Variants in SPAG17 observed in about 807,000 individuals in gnomAD.
SPAG17 encodes the protein sperm-associated antigen 17.
In SPAG17, 169 loss-of-function variants were observed where a neutral mutation model predicts 273.6. The ratio of observed to expected loss-of-function variants is 0.62; its 90% CI spans 0.55 to 0.70. The LOEUF is 0.70. Ranked by LOEUF, SPAG17 falls within the 30% of genes least tolerant of loss-of-function variation. SPAG17 has a pLI of 0.00. For missense variants in SPAG17, 2,557 were observed against 2,627.8 expected, an observed-to-expected ratio of 0.97 and a Z score of 0.59; for synonymous variants, 825 against 873.2, an observed-to-expected ratio of 0.94 and a Z score of 0.97.
intron 7 of SPAG17, 74 bp downstream of exon 7, chr1:118,097,596 A>C: frequency 8.1e-7 from 1 of 1,233,672 alleles, no homozygotes; most frequent in Middle Eastern, 2.0e-4. Flanking sequence ...TATCTATGTG[A>C]TGAATAAATG....
intron 1 of SPAG17, among the ~76,000 whole-genome samples, chr1:118,175,610 T>C (rs1660660853): frequency 6.7e-6 from 1 of 149,736 alleles, no homozygotes; most frequent in Non-Finnish European, 1.5e-5. Context: ...CAAAGTATAT[T>C]TTATCCAGCA....
intron 30 of SPAG17, 79 bp downstream of exon 30, chr1:118,012,149 C>T (rs1659540500): frequency 1.1e-5 from 16 of 1,410,444 alleles, no homozygotes; most frequent in Non-Finnish European, 1.6e-5. Context: ...TGTGTATGTT[C>T]AGCAGTCAGT....
At chr1:118,141,528 G>A (rs1658679111) in intron 3 of SPAG17, among the ~76,000 whole-genome samples, 1 of 152,156 alleles carries the variant, frequency 6.6e-6, no homozygotes, top group South Asian at 2.1e-4. Flanking sequence ...CAATTTTCTT[G>A]TGGTAAATAA....
At chr1:118,086,839 C>A (rs773550826) in intron 11 of SPAG17, 32 bp downstream of exon 11, 1 of 1,614,166 alleles carries the variant, frequency 6.2e-7, no homozygotes, top group South Asian at 1.1e-5. Context: ...TTTTCCAAAG[C>A]ATGAAGACTC....
chr1:118,070,894 A>G (rs956125649), intron 17 of SPAG17, among the ~76,000 whole-genome samples: 2 of 152,246 alleles, frequency 1.3e-5, no homozygotes, highest in Non-Finnish European at 2.9e-5. Context: ...ACATGTGACT[A>G]GTGGCTACCA....
chr1:118,172,883 T>C (rs1385002883), intron 1 of SPAG17, among the ~76,000 whole-genome samples: 3 of 152,316 alleles, frequency 2.0e-5, no homozygotes, highest in East Asian at 1.9e-4. Context: ...TATTCAGAGA[T>C]AGGCTTTGTG....
intron 41 of SPAG17, 52 bp from the exon 42 acceptor site, chr1:117,983,965 T>G (rs777748838): frequency 5.8e-6 from 5 of 868,168 alleles, no homozygotes; most frequent in Admixed American, 4.4e-5. Flanking sequence ...GAAATTCAAC[T>G]GTCGCAAATA....
In SPAG17 at chr1:118,151,373, T is replaced by C. The variant is rs1406150199; in HGVS notation, c.88-4A>G. 19 of 1,610,706 alleles carry C rather than the reference T, an allele frequency of 1.2e-5. No individual in the cohort carries two copies. The highest frequency in any genetic ancestry group is 1.6e-5 in the Non-Finnish European group (19 of 1,177,898). ...CAATGGAGGCCTGCCAATCGTTCTATTAAAAATCAGACGGAATTAGATTTT... is the reference window on the plus strand; with the variant it reads ...CAATGGAGGCCTGCCAATCGTTCTACTAAAAATCAGACGGAATTAGATTTT... On this transcript the variant is annotated splice_polypyrimidine_tract_variant and splice_region_variant and intron_variant, in intron 1 of 48. Transcript: ENST00000336338.
Position 118,156,964 on chromosome 1 carries a change from C to T in SPAG17, c.88-5595G>A, listed in dbSNP as rs549330191. ...GCTATAACCTGACATCTGCCTCCTG[C>T]AGCAACTACTGCTTGATTCACCCTA... On this transcript the variant is annotated intron_variant, in intron 1 of 48. Coordinates refer to ENST00000336338, the MANE Select transcript of SPAG17 (RefSeq NM_206996.4). Among the ~76,000 whole-genome samples the T allele has an allele frequency of 2.0e-4, 31 of 152,276 alleles. No homozygotes were observed. In the South Asian group the frequency reaches 6.0e-3, roughly 30 times the overall value.
At chr1:118,008,555 C>T (rs1318868047) in intron 30 of SPAG17, among the ~76,000 whole-genome samples, 1 of 152,078 alleles carries the variant, frequency 6.6e-6, no homozygotes, top group Non-Finnish European at 1.5e-5. Context: ...CTTTTTAATA[C>T]ATATGTAAAA....
At chr1:118,104,038 C>G (rs918714599) in intron 4 of SPAG17, among the ~76,000 whole-genome samples, 1 of 152,014 alleles carries the variant, frequency 6.6e-6, no homozygotes, top group African/African-American at 2.4e-5. Context: ...AAGTTTATGT[C>G]TTAACTAAAA....
At chr1:118,053,103 T>TTG (rs1052850498) in intron 20 of SPAG17, among the ~76,000 whole-genome samples, 6 of 152,002 alleles carry the variant, frequency 3.9e-5, no homozygotes, top group African/African-American at 1.4e-4. Context: ...CAAATGCAAC[T>TTG]TGTGTTGTTA....
chr1:117,975,000 A>G (rs1021647594), intron 43 of SPAG17, among the ~76,000 whole-genome samples: 31 of 152,160 alleles, frequency 2.0e-4, no homozygotes, highest in African/African-American at 6.8e-4. Context: ...GGTCCCAACC[A>G]TGAGGAGCAA....
chr1:117,980,216 C>CT (rs569890235), intron 43 of SPAG17, among the ~76,000 whole-genome samples: 389 of 151,986 alleles, frequency 2.6e-3, no homozygotes, highest in Non-Finnish European at 4.5e-3. Flanking sequence ...TGGGGTAAAT[C>CT]TTTTTTTTCT....
chr1:118,173,821 T>C (rs569033044), intron 1 of SPAG17, among the ~76,000 whole-genome samples: 2 of 149,054 alleles, frequency 1.3e-5, no homozygotes, highest in African/African-American at 5.0e-5. Flanking sequence ...CACTGTGCAA[T>C]TGCACTGCAG....
intron 18 of SPAG17, among the ~76,000 whole-genome samples, chr1:118,063,220 A>T (rs1389802530): frequency 6.6e-6 from 1 of 152,212 alleles, no homozygotes; most frequent in African/African-American, 2.4e-5. Context: ...TCTTCACAGA[A>T]TTGGAAAAAA....
At chr1:118,086,179 C>G in intron 12 of SPAG17, 107 bp from the exon 13 acceptor site, 1 of 1,065,280 alleles carries the variant, frequency 9.4e-7, no homozygotes, top group South Asian at 1.6e-5. Flanking sequence ...TATTTGGGAA[C>G]AGGGGAAATC....
At chr1:118,086,129 T>C (rs1654976461) in intron 12 of SPAG17, 57 bp from the exon 13 acceptor site, 7 of 1,525,500 alleles carry the variant, frequency 4.6e-6, no homozygotes, top group African/African-American at 4.2e-5. Flanking sequence ...AAGTGCCTTA[T>C]GCATATGGAG....
Position 118,089,025 on chromosome 1 carries a change from G to C in SPAG17, c.1360-2017C>G, listed in dbSNP as rs146301291. ...GAACAAGACTACATTGTTACTGCTT[G>C]CATGGAGTTTATATTCTAGTAGGAG... On this transcript the variant is annotated intron_variant, in intron 10 of 48. Coordinates refer to ENST00000336338, the MANE Select transcript of SPAG17 (RefSeq NM_206996.4). 4.0e-3 allele frequency among the ~76,000 whole-genome samples: 604 copies of C among 152,262 alleles called. 2 individuals carry two copies. Among genetic ancestry groups the C allele is most frequent in the African/African-American group, 0.014 (574 of 41,544 alleles).
Sources: gnomAD v4.1 joint callset for allele counts (sites outside exome capture counted in the v4.1 genomes callset) on GRCh38, gnomAD v4.1.1 for gene constraint, MANE v1.5 for transcripts, NCBI Gene and HGNC (gene_info 2026-07-23, HGNC 2026-07-21) for gene names.